The following GALNT13 variants were observed in gnomAD, a reference collection of about 807,000 sequenced individuals.
GALNT13 encodes UDP-GalNAc:polypeptide N-acetylgalactosaminyltransferase 13.
GALNT13 carries 28 observed loss-of-function variants against 64.2 expected under a neutral mutation model. The observed-to-expected ratio is 0.44, with a 90% confidence interval of 0.32 to 0.60. The LOEUF (loss-of-function observed/expected upper bound fraction) is 0.60. Ranked by LOEUF, GALNT13 falls within the 20% of genes least tolerant of loss-of-function variation. The pLI is 0.05. For synonymous variants in GALNT13, 214 were observed against 224.6 expected, an observed-to-expected ratio of 0.95 and a Z score of 0.42; for missense variants, 577 against 669.8, an observed-to-expected ratio of 0.86 and a Z score of 1.53.
At chr2:153,151,028 G>T in the GALNT13 span, among the ~76,000 whole-genome samples, 1 of 152,008 alleles carries the variant, frequency 6.6e-6, no homozygotes, top group Non-Finnish European at 1.5e-5. Context: ...GCTTGATGGG[G>T]ATGGCATTGA....
the GALNT13 span, among the ~76,000 whole-genome samples, chr2:153,360,499 T>C: frequency 2.6e-5 from 4 of 152,106 alleles, no homozygotes; most frequent in Non-Finnish European, 5.9e-5. Flanking sequence ...AGCAGCCATC[T>C]CTATAGCTCT....
At chr2:153,650,208 C>T in the GALNT13 span, among the ~76,000 whole-genome samples, 3 of 152,078 alleles carry the variant, frequency 2.0e-5, no homozygotes, top group African/African-American at 7.2e-5. Flanking sequence ...GATCCCTTTC[C>T]CATTATGTAA....
the GALNT13 span, among the ~76,000 whole-genome samples, chr2:153,373,127 T>C: frequency 3.5e-4 from 49 of 138,058 alleles, no homozygotes; most frequent in Admixed American, 2.8e-3. Flanking sequence ...CATTATTCTG[T>C]TGCTTTGTGT....
intron 9 of GALNT13, among the ~76,000 whole-genome samples, chr2:154,369,535 C>T (rs921664451): frequency 3.3e-5 from 5 of 152,112 alleles, no homozygotes; most frequent in African/African-American, 2.4e-5. Context: ...TTCTTAGATC[C>T]TGGATTCTCT....
the GALNT13 span, among the ~76,000 whole-genome samples, chr2:153,351,370 A>T: frequency 7.2e-5 from 11 of 152,132 alleles, no homozygotes; most frequent in African/African-American, 2.4e-4. Flanking sequence ...GATTTCCATT[A>T]TACCCCCTGC....
In GALNT13 at chr2:154,001,398, C is replaced by T. The variant is rs146406197; in HGVS notation, c.142+56759C>T. ...GGTTAAATGATTATCTTTATTAGCACATCTTGATTCTGTATTATTTTTAAT... is the reference window on the plus strand; with the variant it reads ...GGTTAAATGATTATCTTTATTAGCATATCTTGATTCTGTATTATTTTTAAT... On this transcript the variant is annotated intron_variant, in intron 3 of 12. Coordinates refer to ENST00000392825, the MANE Select transcript of GALNT13 (RefSeq NM_052917.4). Among the ~76,000 whole-genome samples the T allele has an allele frequency of 4.0e-5, 6 of 151,812 alleles. No homozygotes were observed. The East Asian group carries it at 9.6e-4, about 24-fold the overall frequency.
intron 3 of GALNT13, among the ~76,000 whole-genome samples, chr2:154,017,228 A>G (rs1558909956): frequency 6.6e-6 from 1 of 152,128 alleles, no homozygotes; most frequent in Non-Finnish European, 1.5e-5. Context: ...TTTCATGGAG[A>G]TATTTTAAAA....
At chr2:153,139,997 C>A in the GALNT13 span, among the ~76,000 whole-genome samples, 2 of 151,948 alleles carry the variant, frequency 1.3e-5, no homozygotes, top group African/African-American at 4.8e-5. Flanking sequence ...CACTTACAAA[C>A]TTCTTTATTC....
At chr2:154,370,735 T>A (rs187002200) in intron 9 of GALNT13, among the ~76,000 whole-genome samples, 135 of 152,220 alleles carry the variant, frequency 8.9e-4, no homozygotes, top group Middle Eastern at 3.4e-3. Flanking sequence ...GACTTATAAA[T>A]CTTGAGTTAA....
the GALNT13 span, among the ~76,000 whole-genome samples, chr2:153,636,923 T>A: frequency 6.6e-6 from 1 of 152,044 alleles, no homozygotes; most frequent in African/African-American, 2.4e-5. Context: ...AGTAAAATGA[T>A]CCTGTGAAGA....
chr2:153,838,779 T>C, the GALNT13 span, among the ~76,000 whole-genome samples: 2 of 151,942 alleles, frequency 1.3e-5, no homozygotes, highest in African/African-American at 2.4e-5. Flanking sequence ...CTCTTGTGCT[T>C]CCACACAAAT....
chr2:153,821,352 T>A, the GALNT13 span, among the ~76,000 whole-genome samples: 6 of 152,244 alleles, frequency 3.9e-5, no homozygotes, highest in South Asian at 1.2e-3. Flanking sequence ...ATAAATCAAG[T>A]GTCAATGAGT....
At chr2:154,185,446 TTC>T (rs1160018115) in intron 4 of GALNT13, among the ~76,000 whole-genome samples, 2 of 151,996 alleles carry the variant, frequency 1.3e-5, no homozygotes, top group Admixed American at 6.6e-5. Flanking sequence ...TTCTACACCT[TTC>T]TCTTTCTCTA....
intron 2 of GALNT13, among the ~76,000 whole-genome samples, chr2:153,940,609 A>G (rs531209276): frequency 1.3e-5 from 2 of 152,230 alleles, no homozygotes; most frequent in South Asian, 2.1e-4. Flanking sequence ...GTTAGACCTG[A>G]AGCTAATTTA....
At chr2:153,633,868 A>G in the GALNT13 span, among the ~76,000 whole-genome samples, 1 of 152,316 alleles carries the variant, frequency 6.6e-6, no homozygotes, top group African/African-American at 2.4e-5. Flanking sequence ...ATGGTTTTAT[A>G]AATATCTTAT....
At chr2:153,549,662 A>G in the GALNT13 span, among the ~76,000 whole-genome samples, 1 of 152,220 alleles carries the variant, frequency 6.6e-6, no homozygotes, top group African/African-American at 2.4e-5. Flanking sequence ...TGGGCTTAGC[A>G]ACAAGCTTTT....
chr2:153,677,492 T>G, the GALNT13 span, among the ~76,000 whole-genome samples: 1 of 152,082 alleles, frequency 6.6e-6, no homozygotes, highest in African/African-American at 2.4e-5. Context: ...CAAAGCAATT[T>G]ATAGATTCAG....
At chr2:153,798,443 T>C in the GALNT13 span, among the ~76,000 whole-genome samples, 3 of 152,188 alleles carry the variant, frequency 2.0e-5, no homozygotes, top group African/African-American at 7.2e-5. Flanking sequence ...TGCATCACTG[T>C]CCAATCCTTT....
In GALNT13 at chr2:154,376,518, A is replaced by C. The variant is rs901604273; in HGVS notation, c.1157-19473A>C. Among the ~76,000 whole-genome samples the C allele has an allele frequency of 4.6e-5, 7 of 152,124 alleles. No individual in the cohort carries two copies. The East Asian group carries it at 1.3e-3, about 29-fold the overall frequency. ...TTATTTAAAACAAATTTAGTTAATA[A>C]ATTTTTTAAAAGTACACAGAGTACA... is the stretch of plus-strand genomic sequence containing the variant. On this transcript the variant is annotated intron_variant, in intron 9 of 12. Transcript: ENST00000392825.
Sources: gnomAD v4.1 joint callset for allele counts (sites outside exome capture counted in the v4.1 genomes callset) on GRCh38, gnomAD v4.1.1 for gene constraint, MANE v1.5 for transcripts, NCBI Gene and HGNC (gene_info 2026-07-23, HGNC 2026-07-21) for gene names.